The following ERN1 variants were observed in gnomAD, a reference collection of about 807,000 sequenced individuals.
ERN1 encodes the protein endoplasmic reticulum to nucleus signaling 1.
In ERN1, 39 loss-of-function variants were observed where a neutral mutation model predicts 113.1. The observed-to-expected ratio is 0.34, with a 90% CI of 0.27 to 0.45. The LOEUF (loss-of-function observed/expected upper bound fraction) is 0.45. Among genes scored for constraint, ERN1 ranks in the 20% least tolerant of loss-of-function variants. ERN1 has a pLI of 1.00. For synonymous variants in ERN1, 507 were observed against 515.9 expected, an observed-to-expected ratio of 0.98 and a Z score of 0.23; for missense variants, 976 against 1,274.8, an observed-to-expected ratio of 0.77 and a Z score of 3.57.
chr17:64,047,757 G>T, intron 19 of ERN1, 101 bp downstream of exon 19: 2 of 1,057,910 alleles, frequency 1.9e-6, no homozygotes, highest in Non-Finnish European at 2.6e-6. Context: ...TCCAGTTTTA[G>T]GGTAATGGGC....
chr17:64,112,888 A>G (rs1914711640), intron 1 of ERN1, among the ~76,000 whole-genome samples: 2 of 152,330 alleles, frequency 1.3e-5, no homozygotes, highest in South Asian at 4.1e-4. Flanking sequence ...TGAGGCTCAC[A>G]CTGTCTGCTC....
chr17:64,075,326 T>G, intron 4 of ERN1, 79 bp from the exon 5 acceptor site: 2 of 1,218,120 alleles, frequency 1.6e-6, no homozygotes, highest in African/African-American at 1.6e-5. Context: ...GCAGTTTGTT[T>G]CTATTACCTA....
At chr17:64,070,856 T>C (rs532597532) in intron 6 of ERN1, among the ~76,000 whole-genome samples, 1 of 152,312 alleles carries the variant, frequency 6.6e-6, no homozygotes, top group South Asian at 2.1e-4. Flanking sequence ...GCTGCACATA[T>C]GGTAATAAGT....
intron 6 of ERN1, among the ~76,000 whole-genome samples, chr17:64,068,498 G>C (rs1913310324): frequency 6.6e-6 from 1 of 152,250 alleles, no homozygotes. Context: ...TGTGGAAGCA[G>C]AGACGACCCA....
At chr17:64,104,165 C>T (rs959246369) in intron 1 of ERN1, among the ~76,000 whole-genome samples, 1 of 152,130 alleles carries the variant, frequency 6.6e-6, no homozygotes, top group African/African-American at 2.4e-5. Context: ...TTGCTTGAGC[C>T]TGGGAAGCAA....
chr17:64,105,049 AAGAGAGTC>A (rs1914488362), intron 1 of ERN1, among the ~76,000 whole-genome samples: 1 of 152,192 alleles, frequency 6.6e-6, no homozygotes, highest in African/African-American at 2.4e-5. Context: ...GATTGTGAAC[AAGAGAGTC>A]ACACACTTCT....
intron 2 of ERN1, among the ~76,000 whole-genome samples, chr17:64,086,191 G>C (rs886870034): frequency 1.3e-5 from 2 of 152,284 alleles, no homozygotes; most frequent in Non-Finnish European, 2.9e-5. Context: ...TAAGTTTACA[G>C]TTCAATCAAT....
chr17:64,100,281 G>C (rs1045629609), intron 1 of ERN1, among the ~76,000 whole-genome samples: 5 of 152,094 alleles, frequency 3.3e-5, no homozygotes, highest in African/African-American at 1.2e-4. Context: ...GCTTGGTGTG[G>C]GATGGCTGGA....
chr17:64,061,782 A>G lies in ERN1; in HGVS notation c.1088-1195T>C, dbSNP rs1913062461. Among the ~76,000 whole-genome samples, 2 of 152,212 alleles carry G rather than the reference A, an allele frequency of 1.3e-5. 1 individual carries two copies. The highest frequency in any genetic ancestry group is 1.3e-4 in the Admixed American group (2 of 15,294). ...GTATGTGCGGGTAACTCTGAGGCTCACTAACAAGAGACCTACGGTCTAAGA... is the reference window on the plus strand; with the variant it reads ...GTATGTGCGGGTAACTCTGAGGCTCGCTAACAAGAGACCTACGGTCTAAGA... On this transcript the variant is annotated intron_variant, in intron 10 of 21. Coordinates refer to ENST00000433197, the MANE Select transcript of ERN1 (RefSeq NM_001433.5).
At chr17:64,082,505 CTTT>C in intron 2 of ERN1, among the ~76,000 whole-genome samples, 1 of 152,314 alleles carries the variant, frequency 6.6e-6, no homozygotes, top group East Asian at 1.9e-4. Flanking sequence ...AAAATGGCAT[CTTT>C]TTTGTTTGTT....
intron 2 of ERN1, among the ~76,000 whole-genome samples, chr17:64,083,489 T>G (rs74940919): frequency 0.02 from 3,048 of 152,258 alleles, 65 homozygotes; most frequent in Middle Eastern, 0.024. Context: ...ACTATCTATA[T>G]GGGGCCCGAT....
chr17:64,066,823 A>G lies in ERN1; in HGVS notation c.690T>C (p.Tyr230=), dbSNP rs759492101. 5.6e-6 allele frequency: 9 copies of G among 1,613,994 alleles called. No homozygotes were observed. The highest frequency in any genetic ancestry group is 1.1e-5 in the South Asian group (1 of 91,068). The part of the protein sequence containing the change: ...QNYASPVVAF[Y]VWQREGLRKV... ...TCCTCAGACCCTCCCGCTGCCAGAC[A>G]TAAAAGGCCACCACAGGGGAGGCGT... Residue 230 remains tyrosine, a synonymous_variant, in exon 8 of 22, where the codon TAT becomes TAC. Coordinates refer to ENST00000433197, the MANE Select transcript of ERN1 (RefSeq NM_001433.5).
chr17:64,112,826 A>T (rs555871061), intron 1 of ERN1, among the ~76,000 whole-genome samples: 1 of 152,296 alleles, frequency 6.6e-6, no homozygotes, highest in Admixed American at 6.5e-5. Context: ...TGCAAAAGTC[A>T]CCAACTCTAG....
chr17:64,119,382 T>G (rs1314852273), intron 1 of ERN1, among the ~76,000 whole-genome samples: 6 of 120,564 alleles, frequency 5.0e-5, no homozygotes, highest in East Asian at 2.1e-4. Context: ...CTAGGTTTTT[T>G]TTTTTTTTTT....
chr17:64,112,267 G>A (rs1307216459), intron 1 of ERN1, among the ~76,000 whole-genome samples: 1 of 151,808 alleles, frequency 6.6e-6, no homozygotes, highest in Non-Finnish European at 1.5e-5. Context: ...CCTCGAGTGG[G>A]TGAGGCAGGA....
At chr17:64,113,810 G>A (rs1360884971) in intron 1 of ERN1, among the ~76,000 whole-genome samples, 1 of 152,068 alleles carries the variant, frequency 6.6e-6, no homozygotes, top group African/African-American at 2.4e-5. Flanking sequence ...AGCCTCCCGA[G>A]TAGCTGGGAT....
At chr17:64,108,961 A>T (rs1385040931) in intron 1 of ERN1, among the ~76,000 whole-genome samples, 1 of 152,092 alleles carries the variant, frequency 6.6e-6, no homozygotes, top group Middle Eastern at 3.2e-3. Flanking sequence ...CGTCTCTACT[A>T]AAAACACAAA....
intron 6 of ERN1, among the ~76,000 whole-genome samples, chr17:64,071,691 G>A (rs1022739964): frequency 2.0e-5 from 3 of 152,148 alleles, no homozygotes; most frequent in Non-Finnish European, 4.4e-5. Flanking sequence ...CAAAGTACTG[G>A]AATTACAGGC....
At chr17:64,074,523 C>T (rs1361727609) in intron 5 of ERN1, among the ~76,000 whole-genome samples, 4 of 152,232 alleles carry the variant, frequency 2.6e-5, no homozygotes, top group African/African-American at 9.6e-5. Context: ...CAGAAATACA[C>T]ATAAAGCTCC....
Sources: gnomAD v4.1 joint callset for allele counts (sites outside exome capture counted in the v4.1 genomes callset) on GRCh38, gnomAD v4.1.1 for gene constraint, MANE v1.5 for transcripts, NCBI Gene and HGNC (gene_info 2026-07-23, HGNC 2026-07-21) for gene names.